IGF2: variants seen among roughly 807,000 people sequenced by gnomAD.
The protein encoded by IGF2 is insulin-like growth factor 2.
A neutral mutation model predicts 12.0 loss-of-function variants in IGF2; 2 were observed. The observed-to-expected ratio is 0.17, with a 90% CI of 0.07 to 0.52. The LOEUF (loss-of-function observed/expected upper bound fraction) is 0.52. Among genes scored for constraint, IGF2 ranks in the 20% least tolerant of loss-of-function variants. The pLI is 0.95. For synonymous variants in IGF2, 105 were observed against 110.1 expected (o/e 0.95, Z 0.29); for missense variants, 211 against 268.0 (o/e 0.79, Z 1.48).
At position 2,130,529 on chromosome 11, in the gene IGF2, G is replaced by GGC. The variant is rs1040422996; in HGVS notation, c.*2457_*2458insGC. 1.3e-5 allele frequency: 2 copies of GGC among 148,882 alleles called. No individual in the cohort carries two copies. Among genetic ancestry groups the GGC allele is most frequent in the African/African-American group, 1.1e-4 (2 of 17,740 alleles). 9.2% of individuals were successfully genotyped at this position (148,882 alleles called of 1,614,324 possible). A position where few individuals can be genotyped will look rare whatever the true frequency, so the allele number is the denominator to read the frequency against. On this transcript the variant is annotated 3_prime_UTR_variant, in exon 4 of 4. Coordinates refer to ENST00000416167, the MANE Select transcript of IGF2 (RefSeq NM_000612.6). ...TTTTGTCACTGCCCCCCTGTTACAT[G>GGC]GGGGGGGGGTTTAATTTGGTTTCTG... is the stretch of plus-strand genomic sequence containing the variant.
At position 2,132,483 on chromosome 11, in the gene IGF2, G is replaced by A. The variant is rs912402879; in HGVS notation, c.*504C>T. 8 of 196,958 alleles carry A rather than the reference G, an allele frequency of 4.1e-5. No homozygotes were observed. Among genetic ancestry groups the A allele is most frequent in the Non-Finnish European group, 7.4e-5 (7 of 94,934 alleles). 12.2% of individuals were successfully genotyped at this position (196,958 alleles called of 1,614,324 possible). On this transcript the variant is annotated 3_prime_UTR_variant, in exon 4 of 4. Transcript: ENST00000416167. ...AAGTCCAAGGGAGAAGAGAAAGAGG[G>A]GGGTGGGGAGTGCCAAATTCCTTTA... is the stretch of plus-strand genomic sequence containing the variant.
intron 2 of IGF2, among the ~76,000 whole-genome samples, 199 bp downstream of exon 2, chr11:2,135,168 C>T (rs566165782): frequency 8.9e-4 from 136 of 152,272 alleles, no homozygotes; most frequent in African/African-American, 3.1e-3. Context: ...TCGAAGGAGG[C>T]GTGTGATGGG....
At chr11:2,146,593 G>A in the IGF2 span, 3 of 357,450 alleles carry the variant, frequency 8.4e-6, no homozygotes, top group South Asian at 4.1e-5. Flanking sequence ...GGGTTCAGAC[G>A]GTGCACACTC....
rs577101756 is a variant in IGF2 at position 2,133,694 on chromosome 11, G to A, written c.158-29C>T. ...GAAGTCCCACAGCACAGAGAGAGCCGTGTTAGCACCGCACTGACCCCAGCC... is the reference window on the plus strand; with the variant it reads ...GAAGTCCCACAGCACAGAGAGAGCCATGTTAGCACCGCACTGACCCCAGCC... On this transcript the variant is annotated intron_variant, in intron 2 of 3. Coordinates refer to ENST00000416167, the MANE Select transcript of IGF2 (RefSeq NM_000612.6). The surrounding 1 kb of genome is among the most constrained non-coding windows in gnomAD (Gnocchi z 8.9). 33 of 1,611,212 alleles carry A rather than the reference G, an allele frequency of 2.0e-5. No individual in the cohort carries two copies. Among genetic ancestry groups the A allele is most frequent in the Admixed American group, 8.4e-5 (5 of 59,856 alleles).
At chr11:2,149,181 C>A in the IGF2 span, 1 of 1,613,308 alleles carries the variant, frequency 6.2e-7, no homozygotes, top group African/African-American at 1.3e-5. Context: ...ATAAAGAGGA[C>A]CGGGGAGTCA....
Position 2,133,562 on chromosome 11 carries a change from G to T in IGF2, c.261C>A (p.Pro87=). ...LALLETYCAT[P]AKSERDVSTP... Reference sequence around the variant, plus strand: ...TCGACACGTCCCTCTCGGACTTGGCGGGGGTAGCACAGTACGTCTCCAGGA... The same window carrying T: ...TCGACACGTCCCTCTCGGACTTGGCTGGGGTAGCACAGTACGTCTCCAGGA... The change falls in exon 3 of 4, where the codon CCC becomes CCA. Residue 87 remains proline (P), a synonymous_variant. Coordinates refer to ENST00000416167, the MANE Select transcript of IGF2 (RefSeq NM_000612.6). The surrounding 1 kb of genome is among the most constrained non-coding windows in gnomAD (Gnocchi z 8.9). 2 of 1,613,016 alleles carry T rather than the reference G, an allele frequency of 1.2e-6. No homozygotes were observed. Among genetic ancestry groups the T allele is most frequent in the Non-Finnish European group, 1.7e-6 (2 of 1,179,944 alleles).
chr11:2,141,114 C>A (rs964152877), upstream of IGF2: 45 of 208,850 alleles, frequency 2.2e-4, 1 homozygote, highest in Admixed American at 3.2e-4. Flanking sequence ...GCGCGGCCGA[C>A]CCAAGTGTGT....
chr11:2,140,439 C>A (rs1859486768), upstream of IGF2: 3 of 722,594 alleles, frequency 4.2e-6, no homozygotes, highest in East Asian at 8.6e-5. Flanking sequence ...CTCGCGCCCC[C>A]CTGGCCCCCC....
rs770477972 is a variant in IGF2, at chr11:2,130,588, CAAA to C, written c.*2396_*2398del. ...AAGCTAAGGAGGGGTAAAAAAAAAA[CAAA>C]AAAAAAAAAAAAAGGAAAAATGCCC... is the stretch of plus-strand genomic sequence containing the variant. On this transcript the variant is annotated 3_prime_UTR_variant, in exon 4 of 4. Coordinates refer to ENST00000416167, the MANE Select transcript of IGF2 (RefSeq NM_000612.6). 66 of 101,120 alleles carry C rather than the reference CAAA, an allele frequency of 6.5e-4. No individual in the cohort carries two copies. Among genetic ancestry groups the C allele is most frequent in the Middle Eastern group, 6.8e-3 (2 of 294 alleles). The allele number at this position is 101,120 out of a possible 1,614,324, so 6.3% of individuals were successfully genotyped here.
At position 2,135,456 on chromosome 11, in the gene IGF2, A is replaced by G; in HGVS notation, c.68T>C (p.Ile23Thr). 3 of 1,613,842 alleles carry G rather than the reference A, an allele frequency of 1.9e-6. No individual in the cohort carries two copies. Among genetic ancestry groups the G allele is most frequent in the Non-Finnish European group, 2.5e-6 (3 of 1,180,004 alleles). Reference sequence around the variant, plus strand: ...GGTCTCACTGGGGCGGTAAGCAGCAATGCAGCACGAGGCGAAGGCCAAGAA... The same window carrying G: ...GGTCTCACTGGGGCGGTAAGCAGCAGTGCAGCACGAGGCGAAGGCCAAGAA... ...LTFLAFASCC[I>T]AAYRPSETLC... Residue 23 changes from isoleucine (I) to threonine (T), a missense_variant, in exon 2 of 4, where the codon ATT becomes ACT. By Grantham distance (89) the Ile-to-Thr change is moderately conservative. Coordinates refer to ENST00000416167, the MANE Select transcript of IGF2 (RefSeq NM_000612.6).
At chr11:2,135,798 C>T (rs61872710) in intron 1 of IGF2, among the ~76,000 whole-genome samples, 1 of 152,188 alleles carries the variant, frequency 6.6e-6, no homozygotes, top group South Asian at 2.1e-4. Context: ...TAATTTTACA[C>T]GAGGGGTGAC....
In IGF2 at chr11:2,133,452, C is replaced by T. The variant is rs778035874; in HGVS notation, c.306+65G>A. ...AAGAGGTCCCAGAGGCCACAGGAAA[C>T]GCTGGGCGCCCGAAGCCCTATTTCT... On this transcript the variant is annotated intron_variant, in intron 3 of 3. Transcript: ENST00000416167. The surrounding 1 kb of genome is among the most constrained non-coding windows in gnomAD (Gnocchi z 8.9). 43 of 1,513,220 alleles carry T rather than the reference C, an allele frequency of 2.8e-5. No homozygotes were observed. Among genetic ancestry groups the T allele is most frequent in the South Asian group, 5.2e-5 (4 of 76,222 alleles). The allele number at this position is 1,513,220 out of a possible 1,614,324, so 93.7% of individuals were successfully genotyped here. A position where few individuals can be genotyped will look rare whatever the true frequency, so the allele number is the denominator to read the frequency against.
rs1251235708 is a variant in IGF2, at chr11:2,131,693, GTGTGTGTGC to G, written c.*1285_*1293del. On this transcript the variant is annotated 3_prime_UTR_variant, in exon 4 of 4. Transcript: ENST00000416167. The stretch of plus-strand genomic sequence containing the variant: ...CTGTGTGCATGTGTGTGCTGTGTTT[GTGTGTGTGC>G]TGTGTGTGCTGTGTTCGTGTGTGCT... 509 of 208,996 alleles carry G rather than the reference GTGTGTGTGC, an allele frequency of 2.4e-3. No individual in the cohort carries two copies. Among genetic ancestry groups the G allele is most frequent in the Non-Finnish European group, 3.9e-3 (412 of 104,704 alleles). The allele number at this position is 208,996 out of a possible 1,614,324, so 12.9% of individuals were successfully genotyped here.
rs1022438932 is a variant in IGF2 at position 2,131,236 on chromosome 11, C to T, written c.*1751G>A. The T allele has an allele frequency of 1.3e-5, 3 of 233,184 alleles. No homozygotes were observed. Among genetic ancestry groups the T allele is most frequent in the Non-Finnish European group, 2.5e-5 (3 of 118,072 alleles). 14.4% of individuals were successfully genotyped at this position (233,184 alleles called of 1,614,324 possible). A position where few individuals can be genotyped will look rare whatever the true frequency, so the allele number is the denominator to read the frequency against. Reference sequence around the variant, plus strand: ...AATGCCGCCGGCCGCACACTCAGGCCGCACCATCTGAGCCCCCTCCTCTGA... The same window carrying T: ...AATGCCGCCGGCCGCACACTCAGGCTGCACCATCTGAGCCCCCTCCTCTGA... On this transcript the variant is annotated 3_prime_UTR_variant, in exon 4 of 4. Coordinates refer to ENST00000416167, the MANE Select transcript of IGF2 (RefSeq NM_000612.6).
the IGF2 span, chr11:2,147,921 G>T: frequency 4.0e-6 from 3 of 741,746 alleles, no homozygotes; most frequent in Non-Finnish European, 5.6e-6. The surrounding 1 kb of genome is among the most constrained non-coding windows in gnomAD (Gnocchi z 7.2). Flanking sequence ...GTTCCTTCAG[G>T]TCACCTTGTC....
chr11:2,145,534 A>T (rs896456045), upstream of IGF2, among the ~76,000 whole-genome samples: 2 of 152,210 alleles, frequency 1.3e-5, no homozygotes, highest in African/African-American at 4.8e-5. Context: ...CAATTACACC[A>T]GTGACCTGTT....
chr11:2,134,532 A>T (rs1590116930), intron 2 of IGF2, among the ~76,000 whole-genome samples: 1 of 152,368 alleles, frequency 6.6e-6, no homozygotes, highest in South Asian at 2.1e-4. Context: ...AGAAGCTTTG[A>T]AGTGCATTTG....
At chr11:2,147,707 C>A in the IGF2 span, 1 of 1,249,444 alleles carries the variant, frequency 8.0e-7, no homozygotes. This position sits in a 1 kb window ranked among gnomAD's most constrained non-coding sequence, Gnocchi z 7.2. Context: ...GGCTGTGGGG[C>A]AGGCTGGGCA....
chr11:2,142,206 T>C (rs1397462199), upstream of IGF2, among the ~76,000 whole-genome samples: 1 of 120,136 alleles, frequency 8.3e-6, no homozygotes, highest in Non-Finnish European at 1.8e-5. This position sits in a 1 kb window ranked among gnomAD's most constrained non-coding sequence, Gnocchi z 5.7. Context: ...TAAATCAGTA[T>C]TAAAAAAAAA....
Sources: gnomAD v4.1 joint callset for allele counts (sites outside exome capture counted in the v4.1 genomes callset) on GRCh38, gnomAD v4.1.1 for gene constraint, Gnocchi (gnomAD v3.1) non-coding constraint, MANE v1.5 for transcripts, NCBI Gene and HGNC (gene_info 2026-07-23, HGNC 2026-07-21) for gene names.